The following DNAH6 variants were observed in gnomAD, a reference collection of about 807,000 sequenced individuals.
The protein encoded by DNAH6 is dynein axonemal heavy chain 6.
In DNAH6, 340 loss-of-function variants were observed where a neutral mutation model predicts 491.4. The ratio of observed to expected loss-of-function variants is 0.69; its 90% CI spans 0.63 to 0.76. DNAH6 has a LOEUF of 0.76. Among genes scored for constraint, DNAH6 ranks in the 30% least tolerant of loss-of-function variants. The pLI, the probability that DNAH6 is intolerant of heterozygous loss-of-function variation, is 0.00. For synonymous variants in DNAH6, 1,603 were observed against 1,686.1 expected, an observed-to-expected ratio of 0.95 and a Z score of 1.21; for missense variants, 4,443 against 4,972.2, an observed-to-expected ratio of 0.89 and a Z score of 3.20.
At chr2:84,525,534 A>G in intron 2 of DNAH6, 31 bp from the exon 3 acceptor site, 1 of 1,517,470 alleles carries the variant, frequency 6.6e-7, no homozygotes, top group Non-Finnish European at 8.8e-7. Context: ...GAATGTTAAT[A>G]AAAATTAACA....
chr2:84,607,133 T>C (rs1436784855), intron 21 of DNAH6, 38 bp downstream of exon 21: 1 of 1,529,368 alleles, frequency 6.5e-7, no homozygotes, highest in South Asian at 1.2e-5. Context: ...ACTCAGAGAA[T>C]TGGAGAGTCA....
chr2:84,652,321 T>G (rs1048037626), intron 33 of DNAH6, among the ~76,000 whole-genome samples: 27 of 152,116 alleles, frequency 1.8e-4, no homozygotes, highest in African/African-American at 6.5e-4. Flanking sequence ...TAGCCTATTT[T>G]AATAGTCATT....
intron 12 of DNAH6, 61 bp from the exon 13 acceptor site, chr2:84,577,196 T>C (rs777034172): frequency 3.9e-6 from 4 of 1,014,058 alleles, no homozygotes; most frequent in Non-Finnish European, 5.5e-6. Context: ...ATATATTTTG[T>C]AATGATCTTT....
At chr2:84,722,541 CT>C in intron 59 of DNAH6, 83 bp from the exon 60 acceptor site, 1 of 1,197,702 alleles carries the variant, frequency 8.3e-7, no homozygotes, top group Admixed American at 2.9e-5. Flanking sequence ...TATTTCTTCC[CT>C]AGACCTAACT....
chr2:84,602,812 T>TC (rs1337054551), intron 18 of DNAH6, among the ~76,000 whole-genome samples: 3 of 149,188 alleles, frequency 2.0e-5, no homozygotes, highest in Admixed American at 1.3e-4. Context: ...TTTTTTTTTT[T>TC]CTTTTCCCTC....
In DNAH6 at chr2:84,722,748, G is replaced by A; in HGVS notation, c.9916G>A (p.Ala3306Thr). ...TQGSVMYFVIASLSEIDPMYQ... is the reference protein window; with the variant it reads ...TQGSVMYFVITSLSEIDPMYQ... ...AGGCTCTGTAATGTACTTTGTCATT[G>A]CAAGCCTCTCAGAAATAGATCCTAT... is the stretch of plus-strand genomic sequence containing the variant. Residue 3306 changes from alanine to threonine, a missense_variant, in exon 60 of 77, where the codon GCA (alanine) becomes ACA (threonine). This residue lies in a region of DNAH6 where 1,463 missense variants were observed against 1,656.6 expected (regional missense o/e 0.88). Transcript: ENST00000389394. 7 of 1,537,742 alleles carry A rather than the reference G, an allele frequency of 4.6e-6. No homozygotes were observed. Among genetic ancestry groups the A allele is most frequent in the Non-Finnish European group, 5.3e-6 (6 of 1,142,710 alleles).
At chr2:84,742,591 A>G (rs1672629481) in intron 62 of DNAH6, among the ~76,000 whole-genome samples, 1 of 151,190 alleles carries the variant, frequency 6.6e-6, no homozygotes, top group East Asian at 1.9e-4. Flanking sequence ...AAGTTAAGAA[A>G]CTCTGATCTG....
chr2:84,477,371 A>G, the DNAH6 span, among the ~76,000 whole-genome samples: 56 of 152,336 alleles, frequency 3.7e-4, no homozygotes, highest in East Asian at 8.5e-3. Flanking sequence ...AGAGGACATT[A>G]TGTCAGACAT....
intron 63 of DNAH6, among the ~76,000 whole-genome samples, chr2:84,751,410 A>T (rs1673459612): frequency 6.6e-6 from 1 of 152,222 alleles, no homozygotes; most frequent in Non-Finnish European, 1.5e-5. Context: ...GGATAGTCCA[A>T]CAAAGTGGCT....
intron 68 of DNAH6, among the ~76,000 whole-genome samples, chr2:84,794,223 G>C (rs1287799191): frequency 9.2e-5 from 14 of 152,012 alleles, no homozygotes; most frequent in African/African-American, 2.2e-4. Context: ...CCATAAAAAC[G>C]CTAGAAGAAA....
At chr2:84,627,406 T>C (rs142193736) in intron 29 of DNAH6, among the ~76,000 whole-genome samples, 46 of 152,328 alleles carry the variant, frequency 3.0e-4, no homozygotes, top group African/African-American at 9.9e-4. Flanking sequence ...TCATACTTGA[T>C]TGATAATTTG....
intron 60 of DNAH6, among the ~76,000 whole-genome samples, chr2:84,726,041 A>T (rs1441451106): frequency 1.3e-5 from 2 of 152,048 alleles, no homozygotes; most frequent in Non-Finnish European, 2.9e-5. Flanking sequence ...GGGAATGGAG[A>T]CCTATTTTGG....
Position 84,549,914 on chromosome 2 carries a change from A to C in DNAH6, c.1342A>C (p.Ile448Leu), listed in dbSNP as rs754514041. The C allele has an allele frequency of 6.2e-7, 1 of 1,611,388 alleles. No homozygotes were observed. Among genetic ancestry groups the C allele is most frequent in the South Asian group, 1.1e-5 (1 of 90,198 alleles). ...TCFIRLNDYL[I>L]ENTMHILTVN... ...CTTTATTCGTCTAAACGACTATCTA[A>C]TTGAGAACACAATGCACATCTTAAC... Residue 448 changes from isoleucine to leucine, a missense_variant, in exon 9 of 77, where the codon ATT becomes CTT. Coordinates refer to ENST00000389394, the MANE Select transcript of DNAH6 (RefSeq NM_001370.2).
the DNAH6 span, among the ~76,000 whole-genome samples, chr2:84,467,822 C>T: frequency 6.6e-6 from 1 of 152,208 alleles, no homozygotes; most frequent in South Asian, 2.1e-4. Flanking sequence ...GCTAATTCCA[C>T]ATGTCCCCAG....
At chr2:84,781,719 AT>A in intron 65 of DNAH6, 66 bp downstream of exon 65, 2 of 1,459,736 alleles carry the variant, frequency 1.4e-6, no homozygotes, top group Non-Finnish European at 1.8e-6. Context: ...TGTTGAATTC[AT>A]TCCTTATAGT....
upstream of DNAH6, among the ~76,000 whole-genome samples, chr2:84,515,854 T>A (rs972129846): frequency 3.5e-4 from 54 of 152,200 alleles, 1 homozygote; most frequent in Non-Finnish European, 1.6e-4. Flanking sequence ...CAGGGTCTGC[T>A]TTGGTAGAAG....
At chr2:84,818,460 G>A (rs1021671250) in intron 76 of DNAH6, among the ~76,000 whole-genome samples, 6 of 125,210 alleles carry the variant, frequency 4.8e-5, no homozygotes, top group Non-Finnish European at 7.9e-5. Flanking sequence ...ACTCCAGCCT[G>A]GGCAAAAGAA....
intron 10 of DNAH6, among the ~76,000 whole-genome samples, chr2:84,557,229 T>C (rs1463901993): frequency 6.6e-6 from 1 of 152,224 alleles, no homozygotes; most frequent in Non-Finnish European, 1.5e-5. Context: ...TCTCTCTCAA[T>C]TAGAAAACAT....
At chr2:84,617,288 T>C (rs1686948581) in intron 23 of DNAH6, among the ~76,000 whole-genome samples, 1 of 152,122 alleles carries the variant, frequency 6.6e-6, no homozygotes, top group Admixed American at 6.6e-5. Flanking sequence ...GTGTAATGCA[T>C]AATAATCACA....
Sources: allele counts gnomAD v4.1 joint callset (sites outside exome capture counted in the v4.1 genomes callset), GRCh38; gene constraint gnomAD v4.1.1; regional missense constraint gnomAD v4.1.1; transcripts MANE v1.5; gene names NCBI Gene and HGNC (gene_info 2026-07-23, HGNC 2026-07-21).